ZBTB47: variants seen among roughly 807,000 people sequenced by gnomAD.
ZBTB47 encodes the protein zinc finger and BTB domain-containing protein 47.
Under a neutral mutation model 56.6 loss-of-function variants are expected in ZBTB47, and 24 were observed. The ratio of observed to expected loss-of-function variants is 0.42; its 90% CI spans 0.31 to 0.60. The LOEUF is 0.60. Among genes scored for constraint, ZBTB47 ranks in the 20% least tolerant of loss-of-function variants. ZBTB47 has a pLI of 0.14. For missense variants in ZBTB47, 829 were observed against 1,032.6 expected (o/e 0.80, Z 2.70); for synonymous variants, 414 against 418.9 (o/e 0.99, Z 0.14).
chr3:42,662,628 G>A (rs1315395413), intron 3 of ZBTB47, among the ~76,000 whole-genome samples: 1 of 152,190 alleles, frequency 6.6e-6, no homozygotes, highest in Non-Finnish European at 1.5e-5. Context: ...CTTTTTATAG[G>A]AGAGGAAGCG....
intron 1 of ZBTB47, among the ~76,000 whole-genome samples, chr3:42,657,704 G>A (rs1710654753): frequency 6.6e-6 from 1 of 152,234 alleles, no homozygotes; most frequent in African/African-American, 2.4e-5. Context: ...GCCAGAGACT[G>A]GGCAGTGAGC....
In ZBTB47 at chr3:42,663,472, A is replaced by T. The variant is rs970618736; in HGVS notation, c.1738-325A>T. Reference sequence around the variant, plus strand: ...TGAGACAACAGAGCTGCAGGTGGGGAGGTGGGGGCAGGGGCTGGGCGTCTG... The same window carrying T: ...TGAGACAACAGAGCTGCAGGTGGGGTGGTGGGGGCAGGGGCTGGGCGTCTG... On this transcript the variant is annotated intron_variant, in intron 4 of 5. Transcript: ENST00000232974. This position sits in a 1 kb window ranked among gnomAD's most constrained non-coding sequence, Gnocchi z 5.1. Among the ~76,000 whole-genome samples the T allele has an allele frequency of 1.3e-5, 2 of 152,048 alleles. No individual in the cohort carries two copies. The highest frequency in any genetic ancestry group is 1.3e-4 in the Admixed American group (2 of 15,292).
upstream of ZBTB47, among the ~76,000 whole-genome samples, chr3:42,653,158 G>C (rs1044444177): frequency 2.0e-5 from 3 of 152,208 alleles, no homozygotes; most frequent in African/African-American, 7.2e-5. Context: ...TTCTGGCAGA[G>C]AGTGGGGGTG....
chr3:42,657,102 G>A (rs1175050012), intron 1 of ZBTB47, among the ~76,000 whole-genome samples: 5 of 152,332 alleles, frequency 3.3e-5, no homozygotes, highest in South Asian at 2.1e-4. Context: ...GATGGTTCTC[G>A]TGCAGGGACT....
chr3:42,664,556 C>G lies in ZBTB47; in HGVS notation c.2202C>G (p.Pro734=), dbSNP rs339717. The stretch of plus-strand genomic sequence containing the variant: ...TGCCGCCCCCGCCTCCGCTCTTCCC[C>G]ACCACTGCCAGCCCCGGCGGGAGGA... ...PHLPPPPPLF[P]TTASPGGRMN... The change falls in exon 6 of 6, where the codon CCC becomes CCG. Residue 734 remains proline (P), a synonymous_variant. Transcript: ENST00000232974. 2,054 of 1,423,572 alleles carry G rather than the reference C, an allele frequency of 1.4e-3. 34 individuals are homozygous for G. The African/African-American group carries it at 0.028, about 20-fold the overall frequency. 88.2% of individuals were successfully genotyped at this position (1,423,572 alleles called of 1,614,324 possible). A position where few individuals can be genotyped will look rare whatever the true frequency, so the allele number is the denominator to read the frequency against.
At position 42,666,042 on chromosome 3, in the gene ZBTB47, CGG is replaced by C. The variant is rs759840992; in HGVS notation, c.*1448_*1449del. Among the ~76,000 whole-genome samples, 26 of 152,318 alleles carry C rather than the reference CGG, an allele frequency of 1.7e-4. No individual in the cohort carries two copies. Among genetic ancestry groups the C allele is most frequent in the Non-Finnish European group, 2.6e-4 (18 of 68,020 alleles). On this transcript the variant is annotated 3_prime_UTR_variant, in exon 6 of 6. Coordinates refer to ENST00000232974, the MANE Select transcript of ZBTB47 (RefSeq NM_145166.4). The stretch of plus-strand genomic sequence containing the variant: ...CTGGAGTGGGAAGAGGCTTGGGCCC[CGG>C]GGGAATGGTTAGGGGGACTGAACCC...
At chr3:42,659,934 T>G (rs2125837612) in intron 2 of ZBTB47, 106 bp downstream of exon 2, 1 of 1,417,386 alleles carries the variant, frequency 7.1e-7, no homozygotes, top group South Asian at 1.5e-5. Flanking sequence ...ACCTAGGTGG[T>G]CTGCGGAGAC....
In ZBTB47 at chr3:42,664,713, C is replaced by A; in HGVS notation, c.*115C>A. 1 of 1,242,134 alleles carries A rather than the reference C, an allele frequency of 8.1e-7. No individual in the cohort carries two copies. The highest frequency in any genetic ancestry group is 1.0e-6 in the Non-Finnish European group (1 of 972,198). 76.9% of individuals were successfully genotyped at this position (1,242,134 alleles called of 1,614,324 possible). On this transcript the variant is annotated 3_prime_UTR_variant, in exon 6 of 6. Coordinates refer to ENST00000232974, the MANE Select transcript of ZBTB47 (RefSeq NM_145166.4). The stretch of plus-strand genomic sequence containing the variant: ...GCGGGCCTGGGCCCTGCTCCACCTC[C>A]AGAAGTGGCTGGATGTACCCTGCCT...
chr3:42,661,190 A>T (rs1710712870), intron 2 of ZBTB47, among the ~76,000 whole-genome samples: 2 of 152,188 alleles, frequency 1.3e-5, no homozygotes, highest in African/African-American at 4.8e-5. Flanking sequence ...ACAAAGGGTG[A>T]TGCCTTTGGA....
rs539181758 is a variant in ZBTB47 at position 42,658,801 on chromosome 3, C to T, written c.446C>T (p.Pro149Leu). The T allele has an allele frequency of 3.3e-5, 51 of 1,533,728 alleles. No individual in the cohort carries two copies. Among genetic ancestry groups the T allele is most frequent in the Non-Finnish European group, 4.0e-5 (46 of 1,145,656 alleles). The change falls in exon 2 of 6, where the codon CCA (proline) becomes CTA (leucine). Residue 149 changes from proline to leucine, a missense_variant. Physicochemically the swap from Pro to Leu is moderately conservative, Grantham distance 98 (BLOSUM62 -3). This residue lies in a region of ZBTB47 where 359 missense variants were observed against 359.8 expected (regional missense o/e 1.00). Coordinates refer to ENST00000232974, the MANE Select transcript of ZBTB47 (RefSeq NM_145166.4). ...GACATCAAGCAGGAGGCCGACACCCCAGGCCTGCCCAAGATCTATGCCCGC... is the reference window on the plus strand; with the variant it reads ...GACATCAAGCAGGAGGCCGACACCCTAGGCCTGCCCAAGATCTATGCCCGC... ...YCDIKQEADTPGLPKIYAREG... is the reference protein window; with the variant it reads ...YCDIKQEADTLGLPKIYAREG...
rs1302976464 is a variant in ZBTB47, at chr3:42,664,489, T to C, written c.2135T>C (p.Leu712Pro). The change falls in exon 6 of 6, where the codon CTG becomes CCG. Residue 712 changes from leucine to proline, a missense_variant. Leu to Pro is a moderately conservative substitution (Grantham distance 98). This residue lies in a region of ZBTB47 where 115 missense variants were observed against 117.2 expected (regional missense o/e 0.98). Transcript: ENST00000232974. ...PTQPQAHALP[L>P]LPGLPQTLPP... ...CAGCCCCAGGCGCACGCACTGCCCC[T>C]GCTCCCGGGGCTGCCCCAGACCCTG... is the stretch of plus-strand genomic sequence containing the variant. 6.8e-7 allele frequency: 1 copy of C among 1,466,136 alleles called. No homozygotes were observed. Among genetic ancestry groups the C allele is most frequent in the Admixed American group, 2.2e-5 (1 of 45,992 alleles). The allele number at this position is 1,466,136 out of a possible 1,614,324, so 90.8% of individuals were successfully genotyped here.
In ZBTB47 at chr3:42,666,580, C is replaced by T. The variant is rs1448124359; in HGVS notation, c.*1982C>T. ...CTCCCAGTGGGCTGTAGGCAGGGTC[C>T]TCCATGGGTTTCCAACCCCCATCAC... On this transcript the variant is annotated 3_prime_UTR_variant, in exon 6 of 6. Transcript: ENST00000232974. 1.3e-5 allele frequency among the ~76,000 whole-genome samples: 2 copies of T among 152,194 alleles called. No individual in the cohort carries two copies. Among genetic ancestry groups the T allele is most frequent in the African/African-American group, 4.8e-5 (2 of 41,454 alleles).
Position 42,664,796 on chromosome 3 carries a change from TCTCA to T in ZBTB47, c.*202_*205del. The stretch of plus-strand genomic sequence containing the variant: ...CAGGCCCCAGAGCTGGTGGAGGGCA[TCTCA>T]CTCCCAAGTGCCCCCCCTTTCTGTG... On this transcript the variant is annotated 3_prime_UTR_variant, in exon 6 of 6. Coordinates refer to ENST00000232974, the MANE Select transcript of ZBTB47 (RefSeq NM_145166.4). The T allele has an allele frequency of 2.0e-6, 1 of 493,298 alleles. No individual in the cohort carries two copies. The highest frequency in any genetic ancestry group is 9.2e-5 in the South Asian group (1 of 10,894). 30.6% of individuals were successfully genotyped at this position (493,298 alleles called of 1,614,324 possible).
rs988571999 is a variant in ZBTB47, at chr3:42,664,643, C to T, written c.*45C>T. ...CACCCGCTGGGGCCTGGAGTCAGGG[C>T]CCACTCCAGGAGGGACCCACTGCCT... On this transcript the variant is annotated 3_prime_UTR_variant, in exon 6 of 6. Transcript: ENST00000232974. The T allele has an allele frequency of 1.4e-6, 2 of 1,387,046 alleles. No homozygotes were observed. Among genetic ancestry groups the T allele is most frequent in the Middle Eastern group, 5.0e-4 (2 of 3,992 alleles). The allele number at this position is 1,387,046 out of a possible 1,614,324, so 85.9% of individuals were successfully genotyped here.
In ZBTB47 at chr3:42,658,508, G is replaced by T; in HGVS notation, c.153G>T (p.Gln51His). The T allele has an allele frequency of 6.5e-7, 1 of 1,537,194 alleles. No homozygotes were observed. The highest frequency in any genetic ancestry group is 8.7e-7 in the Non-Finnish European group (1 of 1,146,920). Residue 51 changes from glutamine to histidine, a missense_variant, in exon 2 of 6, where the codon CAG (glutamine) becomes CAT (histidine). Coordinates refer to ENST00000232974, the MANE Select transcript of ZBTB47 (RefSeq NM_145166.4). ...ACTCACTCTTCACCCAGAACAAGCA[G>T]CTGCAGCGTGTGGAGCTGTCCCTGG... ...FFHSLFTQNK[Q>H]LQRVELSLEA...
chr3:42,660,864 C>T (rs932295311), intron 2 of ZBTB47, among the ~76,000 whole-genome samples: 6 of 152,288 alleles, frequency 3.9e-5, no homozygotes, highest in African/African-American at 1.4e-4. Context: ...CAAGCCTTGG[C>T]CTAGCCTCCA....
chr3:42,654,593 G>A lies in ZBTB47; in HGVS notation c.-82+710G>A. ...GCCATGGTCGCGGGGCCCTGCGCGG[G>A]GGCGGCCCCCAGCGCGGCGCTTCAT... On this transcript the variant is annotated intron_variant, in intron 1 of 5. Transcript: ENST00000232974. This position sits in a 1 kb window ranked among gnomAD's most constrained non-coding sequence, Gnocchi z 5.0. 1.2e-6 allele frequency: 1 copy of A among 818,816 alleles called. No individual in the cohort carries two copies. Among genetic ancestry groups the A allele is most frequent in the Non-Finnish European group, 1.5e-6 (1 of 679,194 alleles). 50.7% of individuals were successfully genotyped at this position (818,816 alleles called of 1,614,324 possible).
In ZBTB47 at chr3:42,663,916, C is replaced by T. The variant is rs1577629618; in HGVS notation, c.1857C>T (p.Phe619=). ...CGKDFNMKQY[F]DEHMKTHTGE... Reference sequence around the variant, plus strand: ...AGGACTTCAACATGAAGCAGTACTTCGATGAGCACATGAAGACCCACACAG... The same window carrying T: ...AGGACTTCAACATGAAGCAGTACTTTGATGAGCACATGAAGACCCACACAG... The change falls in exon 5 of 6, where the codon TTC becomes TTT. Residue 619 remains phenylalanine (F), a synonymous_variant. Coordinates refer to ENST00000232974, the MANE Select transcript of ZBTB47 (RefSeq NM_145166.4). The surrounding 1 kb of genome is among the most constrained non-coding windows in gnomAD (Gnocchi z 5.1). 5.6e-6 allele frequency: 9 copies of T among 1,613,140 alleles called. No homozygotes were observed. The highest frequency in any genetic ancestry group is 2.7e-5 in the African/African-American group (2 of 74,982).
Position 42,654,819 on chromosome 3 carries a change from C to CAGCAGATGGAGCCGGGA in ZBTB47, c.-82+936_-82+937insAGCAGATGGAGCCGGGA. The CAGCAGATGGAGCCGGGA allele has an allele frequency of 1.9e-6, 1 of 535,358 alleles. No homozygotes were observed. Among genetic ancestry groups the CAGCAGATGGAGCCGGGA allele is most frequent in the Non-Finnish European group, 2.4e-6 (1 of 418,474 alleles). 33.2% of individuals were successfully genotyped at this position (535,358 alleles called of 1,614,324 possible). A position where few individuals can be genotyped will look rare whatever the true frequency, so the allele number is the denominator to read the frequency against. Reference sequence around the variant, plus strand: ...GATCTTCCCCCCTCCCCCGGTCTCCCGGCTCCATCTGCTGGGTCCCGCGGG... The same window carrying CAGCAGATGGAGCCGGGA: ...GATCTTCCCCCCTCCCCCGGTCTCCCAGCAGATGGAGCCGGGAGGCTCCATCTGCTGGGTCCCGCGGG... On this transcript the variant is annotated intron_variant, in intron 1 of 5. Transcript: ENST00000232974. This position sits in a 1 kb window ranked among gnomAD's most constrained non-coding sequence, Gnocchi z 5.0.
Sources: gnomAD v4.1 joint callset for allele counts (sites outside exome capture counted in the v4.1 genomes callset) on GRCh38, gnomAD v4.1.1 for gene constraint, gnomAD v4.1.1 regional missense constraint, Gnocchi (gnomAD v3.1) non-coding constraint, MANE v1.5 for transcripts, NCBI Gene and HGNC (gene_info 2026-07-23, HGNC 2026-07-21) for gene names.